EIF1: variants seen among roughly 807,000 people sequenced by gnomAD.
EIF1 encodes the protein eukaryotic translation initiation factor 1.
EIF1 carries 4 observed loss-of-function variants against 13.7 expected under a neutral mutation model. The observed-to-expected ratio is 0.29, with a 90% CI of 0.14 to 0.67. The LOEUF (loss-of-function observed/expected upper bound fraction) is 0.67, where lower values mean the gene tolerates loss of function less well. Ranked by LOEUF, EIF1 falls within the 30% of genes least tolerant of loss-of-function variation. The pLI is 0.77. For synonymous variants in EIF1, 67 were observed against 50.7 expected (o/e 1.32, Z -1.37); for missense variants, 64 against 138.0 (o/e 0.46, Z 2.69).
chr17:41,692,491 G>A lies in EIF1; in HGVS notation c.*1665G>A, dbSNP rs1032286664. On this transcript the variant is annotated 3_prime_UTR_variant, in exon 4 of 4. Coordinates refer to ENST00000469257, the MANE Select transcript of EIF1 (RefSeq NM_005801.4). ...AGCACACATATCTGCATGCAGTCAC[G>A]TGCTGCCTAAGGATGCTTCATTCAA... 3 of 152,056 alleles carry A rather than the reference G, an allele frequency of 2.0e-5. No individual in the cohort carries two copies. Among genetic ancestry groups the A allele is most frequent in the African/African-American group, 7.2e-5 (3 of 41,428 alleles). The allele number at this position is 152,056 out of a possible 1,614,324, so 9.4% of individuals were successfully genotyped here. A position where few individuals can be genotyped will look rare whatever the true frequency, so the allele number is the denominator to read the frequency against.
In EIF1 at chr17:41,688,968, C is replaced by T; in HGVS notation, c.-71C>T. ...TTCCCGACGTTCCGTTCCCCCCTGC[C>T]CGCCTTCTCCCGCCACCGCCGCCGC... is the stretch of plus-strand genomic sequence containing the variant. On this transcript the variant is annotated 5_prime_UTR_variant, in exon 1 of 4. Coordinates refer to ENST00000469257, the MANE Select transcript of EIF1 (RefSeq NM_005801.4). 6.5e-7 allele frequency: 1 copy of T among 1,543,708 alleles called. No homozygotes were observed. Among genetic ancestry groups the T allele is most frequent in the South Asian group, 1.1e-5 (1 of 89,428 alleles).
rs746893988 is a variant in EIF1, at chr17:41,689,758, AG to A, written c.32-19del. On this transcript the variant is annotated intron_variant, in intron 1 of 3. Transcript: ENST00000469257. Reference sequence around the variant, plus strand: ...ATCCTATCTTTGACAGCTCTGAACGAGCTTAACCTTTTTTTTCAGACCCCTT... The same window carrying A: ...ATCCTATCTTTGACAGCTCTGAACGACTTAACCTTTTTTTTCAGACCCCTT... 2.5e-6 allele frequency: 4 copies of A among 1,581,548 alleles called. No individual in the cohort carries two copies. The South Asian group carries it at 4.6e-5, about 18-fold the overall frequency.
At chr17:41,689,228 C>G (rs1056635643) in intron 1 of EIF1, 159 bp downstream of exon 1, 9 of 839,236 alleles carry the variant, frequency 1.1e-5, no homozygotes, top group Non-Finnish European at 1.5e-5. Context: ...GCCTGGGCCC[C>G]GGGGTCGGAC....
In EIF1 at chr17:41,688,967, C is replaced by T. The variant is rs955834707; in HGVS notation, c.-72C>T. On this transcript the variant is annotated 5_prime_UTR_variant, in exon 1 of 4. Transcript: ENST00000469257. ...CTTCCCGACGTTCCGTTCCCCCCTGCCCGCCTTCTCCCGCCACCGCCGCCG... is the reference window on the plus strand; with the variant it reads ...CTTCCCGACGTTCCGTTCCCCCCTGTCCGCCTTCTCCCGCCACCGCCGCCG... The T allele has an allele frequency of 1.8e-4, 283 of 1,532,608 alleles. 1 individual carries two copies. The highest frequency in any genetic ancestry group is 2.5e-4 in the Non-Finnish European group (274 of 1,111,944). The allele number at this position is 1,532,608 out of a possible 1,614,324, so 94.9% of individuals were successfully genotyped here.
intron 3 of EIF1, 46 bp downstream of exon 3, chr17:41,690,235 T>C: frequency 6.6e-7 from 1 of 1,510,858 alleles, no homozygotes; most frequent in Non-Finnish European, 9.2e-7. Context: ...CTGGCAAATC[T>C]CAGATCCTGT....
intron 1 of EIF1, 178 bp from the exon 2 acceptor site, chr17:41,689,600 A>G (rs1196556741): frequency 3.6e-6 from 2 of 555,494 alleles, no homozygotes; most frequent in Non-Finnish European, 6.0e-6. Flanking sequence ...AGCCTGGGGA[A>G]GCTGGCCGTC....
In EIF1 at chr17:41,690,876, G is replaced by C. The variant is rs754001487; in HGVS notation, c.*50G>C. The C allele has an allele frequency of 1.9e-6, 3 of 1,599,404 alleles. No individual in the cohort carries two copies. Among genetic ancestry groups the C allele is most frequent in the Non-Finnish European group, 2.6e-6 (3 of 1,168,292 alleles). On this transcript the variant is annotated 3_prime_UTR_variant, in exon 4 of 4. Coordinates refer to ENST00000469257, the MANE Select transcript of EIF1 (RefSeq NM_005801.4). ...AGTGAGGATTTCCTTGCAATGAGTA[G>C]AATTTCCCTTCTCTCCCTTGTCACA...
rs1910280025 is a variant in EIF1 at position 41,688,966 on chromosome 17, G to A, written c.-73G>A. On this transcript the variant is annotated 5_prime_UTR_variant, in exon 1 of 4. Coordinates refer to ENST00000469257, the MANE Select transcript of EIF1 (RefSeq NM_005801.4). Reference sequence around the variant, plus strand: ...GCTTCCCGACGTTCCGTTCCCCCCTGCCCGCCTTCTCCCGCCACCGCCGCC... The same window carrying A: ...GCTTCCCGACGTTCCGTTCCCCCCTACCCGCCTTCTCCCGCCACCGCCGCC... 12 of 1,529,404 alleles carry A rather than the reference G, an allele frequency of 7.8e-6. No homozygotes were observed. The highest frequency in any genetic ancestry group is 9.0e-6 in the Non-Finnish European group (10 of 1,109,232). 94.7% of individuals were successfully genotyped at this position (1,529,404 alleles called of 1,614,324 possible).
Position 41,692,342 on chromosome 17 carries a change from A to G in EIF1, c.*1516A>G, listed in dbSNP as rs1364191404. 3 of 152,224 alleles carry G rather than the reference A, an allele frequency of 2.0e-5. No homozygotes were observed. Among genetic ancestry groups the G allele is most frequent in the Admixed American group, 2.0e-4 (3 of 15,282 alleles). 9.4% of individuals were successfully genotyped at this position (152,224 alleles called of 1,614,324 possible). ...TGTAGTATTAGAAGGTTTAATGACA[A>G]GTATTTGAAGAGCTGAAGTTAAGTG... On this transcript the variant is annotated 3_prime_UTR_variant, in exon 4 of 4. Transcript: ENST00000469257.
chr17:41,689,553 GCTT>G (rs1207780160), intron 1 of EIF1: 8 of 505,126 alleles, frequency 1.6e-5, no homozygotes, highest in African/African-American at 2.0e-5. Flanking sequence ...CATGTGATCG[GCTT>G]CCCAGGGAGG....
chr17:41,689,341 C>G (rs1910295671), intron 1 of EIF1: 6 of 566,984 alleles, frequency 1.1e-5, no homozygotes, highest in African/African-American at 1.9e-5. Context: ...TCGGGCCACA[C>G]CCGCCCCTCC....
intron 3 of EIF1, chr17:41,690,456 T>G (rs949239332): frequency 3.6e-6 from 2 of 552,512 alleles, no homozygotes; most frequent in East Asian, 3.0e-5. Flanking sequence ...AATGCTGGGT[T>G]GTTCCTGTAT....
intron 3 of EIF1, chr17:41,690,450 C>T (rs142952060): frequency 4.0e-4 from 218 of 551,710 alleles, no homozygotes; most frequent in African/African-American, 3.8e-3. Context: ...AAGCCAAATG[C>T]TGGGTTGTTC....
At position 41,690,545 on chromosome 17, in the gene EIF1, T is replaced by A. The variant is rs1297839879; in HGVS notation, c.298-237T>A. On this transcript the variant is annotated intron_variant, in intron 3 of 3. Transcript: ENST00000469257. ...ACTGTTACATGATCAGCTCTTGATA[T>A]AATTGAAGAGATTTCAGATACCTGA... 3 of 575,208 alleles carry A rather than the reference T, an allele frequency of 5.2e-6. No homozygotes were observed. The South Asian group carries it at 7.2e-5, about 14-fold the overall frequency. 35.6% of individuals were successfully genotyped at this position (575,208 alleles called of 1,614,324 possible).
At position 41,689,624 on chromosome 17, in the gene EIF1, C is replaced by T. The variant is rs1327368284; in HGVS notation, c.32-154C>T. 4.1e-6 allele frequency: 3 copies of T among 726,736 alleles called. No homozygotes were observed. In the East Asian group the frequency reaches 8.7e-5, roughly 21 times the overall value. 45.0% of individuals were successfully genotyped at this position (726,736 alleles called of 1,614,324 possible). A position where few individuals can be genotyped will look rare whatever the true frequency, so the allele number is the denominator to read the frequency against. On this transcript the variant is annotated intron_variant, in intron 1 of 3. Coordinates refer to ENST00000469257, the MANE Select transcript of EIF1 (RefSeq NM_005801.4). Reference sequence around the variant, plus strand: ...AAGCTGGCCGTCCCGGACTGACCTGCTCGGGGAGAGCCAGCAAAGGACACA... The same window carrying T: ...AAGCTGGCCGTCCCGGACTGACCTGTTCGGGGAGAGCCAGCAAAGGACACA...
chr17:41,689,962 T>G lies in EIF1; in HGVS notation c.195+21T>G, dbSNP rs750342618. On this transcript the variant is annotated intron_variant, in intron 2 of 3. Coordinates refer to ENST00000469257, the MANE Select transcript of EIF1 (RefSeq NM_005801.4). ...AGAAAGTAGGTCTTCAGTGAGATTT[T>G]GGGAAAGTCATAATGGATTTGTCCA... The G allele has an allele frequency of 3.1e-6, 5 of 1,609,946 alleles. No homozygotes were observed. In the Admixed American group the frequency reaches 6.8e-5, roughly 22 times the overall value.
chr17:41,689,165 C>A (rs539291488), intron 1 of EIF1, 96 bp downstream of exon 1: 2 of 1,406,254 alleles, frequency 1.4e-6, no homozygotes, highest in East Asian at 2.3e-5. Context: ...TCCGGGCCTT[C>A]GTAAGCTCGG....
intron 3 of EIF1, 35 bp downstream of exon 3, chr17:41,690,224 G>T: frequency 6.4e-7 from 1 of 1,560,480 alleles, no homozygotes; most frequent in Non-Finnish European, 8.8e-7. Flanking sequence ...GTGCCTCTCT[G>T]CTGGCAAATC....
chr17:41,690,670 C>T (rs1386892762), intron 3 of EIF1, 112 bp from the exon 4 acceptor site: 5 of 1,178,978 alleles, frequency 4.2e-6, no homozygotes, highest in Non-Finnish European at 5.0e-6. Flanking sequence ...ATTGTGCGCA[C>T]CCCTGGCTCT....
Sources: allele counts gnomAD v4.1 joint callset, GRCh38; gene constraint gnomAD v4.1.1; transcripts MANE v1.5; gene names NCBI Gene and HGNC (gene_info 2026-07-23, HGNC 2026-07-21).